The following MAP3K20 variants were observed in gnomAD, a reference collection of about 807,000 sequenced individuals.
MAP3K20 encodes the protein mitogen-activated protein kinase kinase kinase 20.
MAP3K20 carries 40 observed loss-of-function variants against 85.7 expected under a neutral mutation model. The observed-to-expected ratio is 0.47, with a 90% confidence interval of 0.36 to 0.61. The LOEUF is 0.61. MAP3K20 is among the 20% of genes least tolerant of loss of function. The probability of loss-of-function intolerance (pLI) is 0.00; values close to 1 mark genes in which losing one functional copy is unlikely to be tolerated. For missense variants in MAP3K20, 817 were observed against 961.7 expected (o/e 0.85, Z 1.99); for synonymous variants, 325 against 327.7 (o/e 0.99, Z 0.09).
chr2:173,205,563 T>G (rs116153392), intron 9 of MAP3K20, among the ~76,000 whole-genome samples: 1 of 152,138 alleles, frequency 6.6e-6, no homozygotes, highest in African/African-American at 2.4e-5. Flanking sequence ...ATGAAGCCTG[T>G]TCACTCCACG....
intron 2 of MAP3K20, among the ~76,000 whole-genome samples, chr2:173,162,743 G>A (rs1052597192): frequency 2.0e-5 from 3 of 151,558 alleles, no homozygotes; most frequent in African/African-American, 4.9e-5. Context: ...CCGTGGAGTA[G>A]TTATATGCTT....
chr2:173,103,073 GAA>G (rs556603443), intron 2 of MAP3K20, among the ~76,000 whole-genome samples: 208 of 151,904 alleles, frequency 1.4e-3, no homozygotes, highest in African/African-American at 4.9e-3. Context: ...AAAAAGAAAA[GAA>G]AAAAAGAAAT....
At chr2:173,204,463 G>A (rs1336061706) in intron 9 of MAP3K20, among the ~76,000 whole-genome samples, 3 of 152,184 alleles carry the variant, frequency 2.0e-5, no homozygotes, top group African/African-American at 7.2e-5. Flanking sequence ...ATCTTGATAT[G>A]TACTGCCTGT....
intron 2 of MAP3K20, among the ~76,000 whole-genome samples, chr2:173,097,564 G>A (rs74665639): frequency 0.02 from 3,055 of 152,176 alleles, 54 homozygotes; most frequent in Admixed American, 0.041. Flanking sequence ...TCCTTAAGAG[G>A]TAATATATAA....
At chr2:173,079,233 T>C (rs1686948709) in intron 1 of MAP3K20, among the ~76,000 whole-genome samples, 1 of 152,090 alleles carries the variant, frequency 6.6e-6, no homozygotes, top group African/African-American at 2.4e-5. Context: ...AGTATTTCTA[T>C]CGAAAAATAG....
At chr2:173,217,291 C>G (rs368203597) in intron 11 of MAP3K20, 41 bp downstream of exon 11, 1 of 1,463,868 alleles carries the variant, frequency 6.8e-7, no homozygotes, top group African/African-American at 1.4e-5. Context: ...ACATGCGGCT[C>G]TAGGCTGCGC....
chr2:173,266,682 A>G lies in MAP3K20; in HGVS notation c.2335A>G (p.Arg779Gly). 6.2e-7 allele frequency: 1 copy of G among 1,605,272 alleles called. No homozygotes were observed. The highest frequency in any genetic ancestry group is 8.5e-7 in the Non-Finnish European group (1 of 1,175,888). ...TKVEYRKKPH[R>G]PSPAKTNKER... ...AGTGGAATACCGGAAAAAGCCCCAC[A>G]GGCCATCTCCCGCCAAAACCAATAA... The change falls in exon 20 of 20, where the codon AGG (arginine) becomes GGG (glycine). Residue 779 changes from arginine to glycine, a missense_variant. By Grantham distance (125) the Arg-to-Gly change is moderately radical (BLOSUM62 -2). Transcript: ENST00000375213.
intron 2 of MAP3K20, among the ~76,000 whole-genome samples, chr2:173,161,688 C>T (rs1161159810): frequency 6.6e-6 from 1 of 152,146 alleles, no homozygotes; most frequent in Non-Finnish European, 1.5e-5. Context: ...TAATAAAATG[C>T]TGAACCACAT....
At chr2:173,082,178 A>G (rs550563154) in intron 1 of MAP3K20, among the ~76,000 whole-genome samples, 2 of 152,102 alleles carry the variant, frequency 1.3e-5, no homozygotes, top group Admixed American at 1.3e-4. Flanking sequence ...ATTTTTATTT[A>G]TTCATTTTTT....
intron 11 of MAP3K20, among the ~76,000 whole-genome samples, chr2:173,219,383 G>T (rs1042119577): frequency 1.3e-5 from 2 of 152,102 alleles, no homozygotes; most frequent in Non-Finnish European, 2.9e-5. Context: ...GCATAAATAT[G>T]GATGTTTATT....
At chr2:173,151,222 G>A (rs543976427) in intron 2 of MAP3K20, among the ~76,000 whole-genome samples, 2 of 152,170 alleles carry the variant, frequency 1.3e-5, no homozygotes, top group Non-Finnish European at 2.9e-5. Flanking sequence ...AACAGCTGTT[G>A]TGGAAAACCC....
chr2:173,076,336 C>T (rs1686861117), intron 1 of MAP3K20, among the ~76,000 whole-genome samples: 1 of 152,130 alleles, frequency 6.6e-6, no homozygotes, highest in Non-Finnish European at 1.5e-5. Context: ...GCCGGAGCGG[C>T]CCCGGCTTTC....
chr2:173,208,649 CCT>C (rs1683773716), intron 9 of MAP3K20, among the ~76,000 whole-genome samples: 1 of 148,422 alleles, frequency 6.7e-6, no homozygotes, highest in African/African-American at 2.6e-5. Flanking sequence ...CATTATATAT[CCT>C]AGGTTTTTAT....
intron 2 of MAP3K20, among the ~76,000 whole-genome samples, chr2:173,167,691 G>A (rs371202824): frequency 3.4e-4 from 52 of 152,124 alleles, no homozygotes; most frequent in African/African-American, 1.2e-3. Flanking sequence ...CATGCTTACC[G>A]GCACCTGAAA....
intron 18 of MAP3K20, 24 bp from the exon 19 acceptor site, chr2:173,263,720 CT>C: frequency 6.3e-7 from 1 of 1,585,786 alleles, no homozygotes; most frequent in Non-Finnish European, 8.5e-7. Context: ...TTTTTTTTGT[CT>C]TTTTCGTTTG....
chr2:173,204,400 G>A (rs1683595243), intron 9 of MAP3K20, among the ~76,000 whole-genome samples: 1 of 152,156 alleles, frequency 6.6e-6, no homozygotes, highest in African/African-American at 2.4e-5. Flanking sequence ...CTTAACCACT[G>A]CACTATTTTG....
chr2:173,113,668 A>T (rs537873580), intron 2 of MAP3K20, among the ~76,000 whole-genome samples: 1 of 152,302 alleles, frequency 6.6e-6, no homozygotes, highest in East Asian at 1.9e-4. Flanking sequence ...ATTCAGGAGC[A>T]GCTTATTTAA....
intron 2 of MAP3K20, among the ~76,000 whole-genome samples, chr2:173,118,749 T>G (rs1266447661): frequency 1.3e-5 from 2 of 152,254 alleles, no homozygotes; most frequent in Non-Finnish European, 2.9e-5. Flanking sequence ...GTAACCATCA[T>G]TTTTTGTATT....
intron 12 of MAP3K20, among the ~76,000 whole-genome samples, chr2:173,231,182 A>G (rs1229690877): frequency 5.3e-5 from 8 of 152,040 alleles, no homozygotes; most frequent in Admixed American, 5.2e-4. Flanking sequence ...GCTACTGGAA[A>G]CTCCTCAAAA....
Sources: allele counts gnomAD v4.1 joint callset (sites outside exome capture counted in the v4.1 genomes callset), GRCh38; gene constraint gnomAD v4.1.1; transcripts MANE v1.5; gene names NCBI Gene and HGNC (gene_info 2026-07-23, HGNC 2026-07-21).